Variants in PALS1 observed in about 807,000 individuals in gnomAD.
PALS1 encodes the protein protein PALS1.
In PALS1, 31 loss-of-function variants were observed where a neutral mutation model predicts 78.9. That is an observed-to-expected ratio of 0.39 (90% CI 0.30 to 0.53). The LOEUF is 0.53. Among genes scored for constraint, PALS1 ranks in the 20% least tolerant of loss-of-function variants. The probability of loss-of-function intolerance (pLI) is 0.67; values close to 1 mark genes in which losing one functional copy is unlikely to be tolerated. For missense variants in PALS1, 704 were observed against 826.5 expected (o/e 0.85, Z 1.82); for synonymous variants, 276 against 270.9 (o/e 1.02, Z -0.18).
intron 2 of PALS1, 162 bp downstream of exon 2, chr14:67,269,945 A>T (rs908034844): frequency 6.6e-6 from 1 of 152,230 alleles, no homozygotes; most frequent in African/African-American, 2.4e-5. Context: ...CTGGAGAAAG[A>T]GGGGAAGGAT....
chr14:67,307,869 G>A (rs1423597131), intron 8 of PALS1, among the ~76,000 whole-genome samples: 1 of 151,948 alleles, frequency 6.6e-6, no homozygotes, highest in Non-Finnish European at 1.5e-5. Flanking sequence ...AAGAAAATGT[G>A]GTATATATAC....
intron 3 of PALS1, among the ~76,000 whole-genome samples, chr14:67,284,539 T>C (rs2084650994): frequency 1.0e-5 from 1 of 95,484 alleles, no homozygotes; most frequent in African/African-American, 4.0e-5. Context: ...AGATCGAGGC[T>C]GCAGTGCTAA....
intron 11 of PALS1, among the ~76,000 whole-genome samples, chr14:67,319,048 A>ACT (rs1421556860): frequency 1.4e-5 from 2 of 147,312 alleles, no homozygotes; most frequent in African/African-American, 2.6e-5. Context: ...ACAGAGCGAG[A>ACT]CTCCGTCTCA....
intron 3 of PALS1, among the ~76,000 whole-genome samples, chr14:67,282,334 A>G (rs1181801644): frequency 2.0e-5 from 3 of 152,154 alleles, no homozygotes; most frequent in Non-Finnish European, 4.4e-5. Flanking sequence ...CCTTTTTCAC[A>G]TCTAGAAACA....
At chr14:67,283,515 GTTGA>G (rs1200669652) in intron 3 of PALS1, among the ~76,000 whole-genome samples, 1 of 152,184 alleles carries the variant, frequency 6.6e-6, no homozygotes, top group African/African-American at 2.4e-5. Context: ...CTTCTGAGAA[GTTGA>G]TTATTTTTAC....
At chr14:67,300,332 T>C (rs920697131) in intron 4 of PALS1, among the ~76,000 whole-genome samples, 4 of 137,608 alleles carry the variant, frequency 2.9e-5, no homozygotes, top group African/African-American at 1.3e-4. Context: ...GTATTATGAA[T>C]TACCTTTTTT....
At chr14:67,291,263 C>G in intron 3 of PALS1, among the ~76,000 whole-genome samples, 1 of 150,704 alleles carries the variant, frequency 6.6e-6, no homozygotes, top group East Asian at 2.0e-4. Flanking sequence ...GAGTCTTGCT[C>G]TGTTGCCCAG....
chr14:67,256,504 TGTA>T (rs1034589329), intron 1 of PALS1, among the ~76,000 whole-genome samples: 2 of 152,222 alleles, frequency 1.3e-5, no homozygotes, highest in Non-Finnish European at 2.9e-5. Context: ...CATTTCAACT[TGTA>T]GTAAATATAA....
At chr14:67,313,664 T>G (rs897295917) in intron 9 of PALS1, among the ~76,000 whole-genome samples, 5 of 152,176 alleles carry the variant, frequency 3.3e-5, no homozygotes, top group Admixed American at 2.0e-4. Context: ...ATTCATCCAT[T>G]TATTTGTTAA....
intron 1 of PALS1, among the ~76,000 whole-genome samples, chr14:67,249,547 T>A (rs1567498841): frequency 6.6e-6 from 1 of 152,216 alleles, no homozygotes; most frequent in Non-Finnish European, 1.5e-5. Context: ...CCAACAGATG[T>A]GAAATAATTA....
At chr14:67,294,404 G>GA (rs1270887244) in intron 4 of PALS1, 1 of 151,640 alleles carries the variant, frequency 6.6e-6, no homozygotes, top group African/African-American at 2.4e-5. Context: ...TTTACAGCTG[G>GA]AAAAAAATAT....
chr14:67,332,986 C>G lies in PALS1; in HGVS notation c.*30C>G. ...AACATCCATTCTGTGGCATGTTGGA[C>G]TTGATCTGGCAAAAACTGCCAATAG... On this transcript the variant is annotated 3_prime_UTR_variant, in exon 15 of 15. Transcript: ENST00000261681. The G allele has an allele frequency of 6.3e-7, 1 of 1,580,354 alleles. No individual in the cohort carries two copies. Among genetic ancestry groups the G allele is most frequent in the Non-Finnish European group, 8.6e-7 (1 of 1,158,042 alleles).
chr14:67,331,459 A>C (rs987340212), intron 14 of PALS1, among the ~76,000 whole-genome samples: 1 of 152,140 alleles, frequency 6.6e-6, no homozygotes, highest in African/African-American at 2.4e-5. Context: ...TACAAAATGT[A>C]ACCAACCGGT....
At position 67,302,522 on chromosome 14, in the gene PALS1, A is replaced by G; in HGVS notation, c.914A>G (p.Asn305Ser). 2.5e-6 allele frequency: 4 copies of G among 1,591,382 alleles called. No homozygotes were observed. The highest frequency in any genetic ancestry group is 2.3e-5 in the East Asian group (1 of 43,768). The change falls in exon 7 of 15, where the codon AAT becomes AGT. Residue 305 changes from asparagine to serine, a missense_variant. Transcript: ENST00000261681. ...GAAGGAGATGAAGTTCTAGAGATTA[A>G]TGGCATTGAAATTCGGGGGAAAGAT... ...LHEGDEVLEINGIEIRGKDVN... is the reference protein window; with the variant it reads ...LHEGDEVLEISGIEIRGKDVN...
chr14:67,289,089 C>T (rs1249533547), intron 3 of PALS1, among the ~76,000 whole-genome samples: 2 of 151,472 alleles, frequency 1.3e-5, no homozygotes, highest in Non-Finnish European at 2.9e-5. Context: ...GCCTCAGCCT[C>T]CCAAGTAGCT....
intron 14 of PALS1, among the ~76,000 whole-genome samples, chr14:67,327,097 C>T (rs1287465775): frequency 6.6e-6 from 1 of 152,122 alleles, no homozygotes; most frequent in Non-Finnish European, 1.5e-5. Context: ...ATCACTTGAA[C>T]CCGGGAGGTG....
chr14:67,308,631 C>T (rs535535444), intron 8 of PALS1, among the ~76,000 whole-genome samples: 35 of 151,068 alleles, frequency 2.3e-4, no homozygotes, highest in African/African-American at 7.1e-4. Flanking sequence ...CTGCAACCTC[C>T]GCCTCCTGGG....
intron 8 of PALS1, among the ~76,000 whole-genome samples, chr14:67,307,983 GA>G (rs1424524970): frequency 6.6e-6 from 1 of 152,050 alleles, no homozygotes; most frequent in East Asian, 1.9e-4. Context: ...CACAGGAACA[GA>G]AAACCAAAAA....
chr14:67,317,087 A>G (rs915919433), intron 10 of PALS1, among the ~76,000 whole-genome samples, 184 bp downstream of exon 10: 1 of 152,258 alleles, frequency 6.6e-6, no homozygotes, highest in Non-Finnish European at 1.5e-5. Flanking sequence ...ATCTGTCTAT[A>G]CTGTGTAGTT....
Sources: gnomAD v4.1 joint callset for allele counts (sites outside exome capture counted in the v4.1 genomes callset) on GRCh38, gnomAD v4.1.1 for gene constraint, MANE v1.5 for transcripts, NCBI Gene and HGNC (gene_info 2026-07-23, HGNC 2026-07-21) for gene names.